IGSF21: variants seen among roughly 807,000 people sequenced by gnomAD.
IGSF21 encodes immunoglobulin superfamily member 21.
Under a neutral mutation model 46.8 loss-of-function variants are expected in IGSF21, and 28 were observed. The ratio of observed to expected loss-of-function variants is 0.60; its 90% CI spans 0.44 to 0.82. The LOEUF (loss-of-function observed/expected upper bound fraction) is 0.82, where lower values mean the gene tolerates loss of function less well. Ranked by LOEUF, IGSF21 falls within the 40% of genes least tolerant of loss-of-function variation. The probability of loss-of-function intolerance (pLI) is 0.00; values close to 1 mark genes in which losing one functional copy is unlikely to be tolerated. For missense variants in IGSF21, 624 were observed against 665.5 expected (o/e 0.94, Z 0.69); for synonymous variants, 284 against 273.6 (o/e 1.04, Z -0.38).
intron 1 of IGSF21, among the ~76,000 whole-genome samples, chr1:18,136,428 T>G (rs1491004172): frequency 6.6e-6 from 1 of 152,278 alleles, no homozygotes; most frequent in Non-Finnish European, 1.5e-5. Context: ...CTTGAATTAA[T>G]TGTTGTATAA....
At position 18,240,811 on chromosome 1, in the gene IGSF21, G is replaced by A. The variant is rs142239336; in HGVS notation, c.183+12801G>A. Among the ~76,000 whole-genome samples, 583 of 152,334 alleles carry A rather than the reference G, an allele frequency of 3.8e-3. 5 individuals carry two copies. The highest frequency in any genetic ancestry group is 0.013 in the African/African-American group (532 of 41,574). ...CCACCTGTCAAAACTGCAGTAGGAA[G>A]TAATCCTGGGCCCAGTGCACCCAGA... On this transcript the variant is annotated intron_variant, in intron 2 of 9. Transcript: ENST00000251296.
chr1:18,234,064 C>G (rs1338645721), intron 2 of IGSF21, among the ~76,000 whole-genome samples: 1 of 152,182 alleles, frequency 6.6e-6, no homozygotes, highest in Non-Finnish European at 1.5e-5. Context: ...GAGAGACCAG[C>G]ACCAAGGTCC....
At chr1:18,247,701 A>G (rs1012032636) in intron 2 of IGSF21, among the ~76,000 whole-genome samples, 3 of 152,160 alleles carry the variant, frequency 2.0e-5, no homozygotes, top group Admixed American at 6.5e-5. Flanking sequence ...GCTACTGTTT[A>G]TTGAGCACTG....
At chr1:18,131,508 C>T (rs1218293378) in intron 1 of IGSF21, among the ~76,000 whole-genome samples, 1 of 152,220 alleles carries the variant, frequency 6.6e-6, no homozygotes, top group East Asian at 1.9e-4. Context: ...AATCAAATGA[C>T]ATGATTTTAT....
intron 3 of IGSF21, among the ~76,000 whole-genome samples, chr1:18,332,451 G>A (rs1369035390): frequency 6.6e-6 from 1 of 151,224 alleles, no homozygotes; most frequent in Admixed American, 6.6e-5. Flanking sequence ...CCTACTGTTT[G>A]TAAGCCATGG....
At chr1:18,330,561 GGGC>G (rs2085702145) in intron 3 of IGSF21, among the ~76,000 whole-genome samples, 2 of 148,186 alleles carry the variant, frequency 1.3e-5, no homozygotes, top group African/African-American at 5.0e-5. Context: ...GAAGGGGCAG[GGGC>G]GTGGGAGAAG....
intron 3 of IGSF21, among the ~76,000 whole-genome samples, chr1:18,307,213 T>A (rs1466351992): frequency 6.6e-6 from 1 of 152,104 alleles, no homozygotes; most frequent in Non-Finnish European, 1.5e-5. Context: ...ACCATGGGAC[T>A]AAGTCCAGTC....
intron 1 of IGSF21, among the ~76,000 whole-genome samples, chr1:18,153,534 G>A (rs1184777289): frequency 6.6e-6 from 1 of 152,142 alleles, no homozygotes; most frequent in African/African-American, 2.4e-5. Flanking sequence ...CACAGTCACT[G>A]CTCATAAAAC....
chr1:18,161,208 A>G (rs565591450), intron 1 of IGSF21, among the ~76,000 whole-genome samples: 7 of 152,196 alleles, frequency 4.6e-5, no homozygotes, highest in African/African-American at 1.2e-4. Flanking sequence ...CAGAGTCCCT[A>G]CGGGGCCCTC....
chr1:18,263,204 T>C (rs558738725), intron 2 of IGSF21, among the ~76,000 whole-genome samples: 2 of 152,232 alleles, frequency 1.3e-5, no homozygotes, highest in African/African-American at 2.4e-5. Context: ...GTTTTTCTAG[T>C]TTATAATAGC....
At position 18,373,802 on chromosome 1, in the gene IGSF21, T is replaced by G. The variant is rs1320351459; in HGVS notation, c.1016-2508T>G. 2.6e-5 allele frequency among the ~76,000 whole-genome samples: 4 copies of G among 152,192 alleles called. No homozygotes were observed. The East Asian group carries it at 7.7e-4, about 29-fold the overall frequency. On this transcript the variant is annotated intron_variant, in intron 6 of 9. Transcript: ENST00000251296. ...GCCACTGCCCCCCTGGAGGGCCAGT[T>G]CTATGACCTGCACAATGGGTTTCGT...
At chr1:18,344,442 A>C (rs1240126277) in intron 4 of IGSF21, among the ~76,000 whole-genome samples, 1 of 152,128 alleles carries the variant, frequency 6.6e-6, no homozygotes, top group East Asian at 1.9e-4. Flanking sequence ...TGAGCTAAGG[A>C]GATCTGAGGG....
intron 1 of IGSF21, among the ~76,000 whole-genome samples, chr1:18,137,868 A>G (rs1287260076): frequency 6.6e-6 from 1 of 152,098 alleles, no homozygotes; most frequent in East Asian, 1.9e-4. Flanking sequence ...AAACTCCATG[A>G]GTTAGATTCT....
intron 2 of IGSF21, among the ~76,000 whole-genome samples, chr1:18,258,837 A>G (rs2084915145): frequency 6.6e-6 from 1 of 152,224 alleles, no homozygotes; most frequent in South Asian, 2.1e-4. Context: ...TAAGTGTGCA[A>G]AAGTGCTCAT....
intron 1 of IGSF21, among the ~76,000 whole-genome samples, chr1:18,174,626 G>A (rs2086777228): frequency 6.6e-6 from 1 of 152,182 alleles, no homozygotes; most frequent in Non-Finnish European, 1.5e-5. Context: ...TCTTTGCTTA[G>A]GGTTCTCTTT....
At chr1:18,243,414 G>C (rs2084752809) in intron 2 of IGSF21, among the ~76,000 whole-genome samples, 2 of 152,070 alleles carry the variant, frequency 1.3e-5, no homozygotes, top group Non-Finnish European at 2.9e-5. Context: ...CGTTCTAAAA[G>C]ACAAGCCCTG....
chr1:18,142,489 G>A (rs1204259422), intron 1 of IGSF21, among the ~76,000 whole-genome samples: 1 of 152,150 alleles, frequency 6.6e-6, no homozygotes, highest in Non-Finnish European at 1.5e-5. Flanking sequence ...CCAAAATGAA[G>A]ATTAGGATAC....
chr1:18,207,417 G>C (rs138264455), intron 1 of IGSF21, among the ~76,000 whole-genome samples: 2 of 152,162 alleles, frequency 1.3e-5, no homozygotes, highest in Non-Finnish European at 2.9e-5. Flanking sequence ...GAAGGGGATC[G>C]TTTTTAGAAT....
chr1:18,301,303 C>A (rs934815904), intron 3 of IGSF21, among the ~76,000 whole-genome samples: 2 of 149,216 alleles, frequency 1.3e-5, no homozygotes, highest in Non-Finnish European at 3.0e-5. Flanking sequence ...AGCAGGTCAT[C>A]CAACAAATGG....
Sources: allele counts gnomAD v4.1 joint callset (sites outside exome capture counted in the v4.1 genomes callset), GRCh38; gene constraint gnomAD v4.1.1; transcripts MANE v1.5; gene names NCBI Gene and HGNC (gene_info 2026-07-23, HGNC 2026-07-21).